NFIB: variants seen among roughly 807,000 people sequenced by gnomAD.
NFIB encodes the protein nuclear factor 1 B-type.
NFIB carries 11 observed loss-of-function variants against 61.5 expected under a neutral mutation model. The ratio of observed to expected loss-of-function variants is 0.18; its 90% CI spans 0.11 to 0.30. The LOEUF (loss-of-function observed/expected upper bound fraction) is 0.30, where lower values mean the gene tolerates loss of function less well. Ranked by LOEUF, NFIB falls within the 10% of genes least tolerant of loss-of-function variation. The probability of loss-of-function intolerance (pLI) is 1.00; values close to 1 mark genes in which losing one functional copy is unlikely to be tolerated. For synonymous variants in NFIB, 260 were observed against 216.5 expected (o/e 1.20, Z -1.76); for missense variants, 471 against 608.9 (o/e 0.77, Z 2.38).
rs141498901 is a variant in NFIB, at chr9:14,252,685, T to C, written c.562+54304A>G. On this transcript the variant is annotated intron_variant, in intron 2 of 10. Transcript: ENST00000380953. The stretch of plus-strand genomic sequence containing the variant: ...TTACTACTGGATACATCCTTATTAA[T>C]ATTACCTTGGGGAAACCTCTAAGCA... Among the ~76,000 whole-genome samples the C allele has an allele frequency of 1.7e-4, 26 of 152,300 alleles. No individual in the cohort carries two copies. The East Asian group carries it at 3.5e-3, about 20-fold the overall frequency.
At chr9:14,356,538 C>T (rs574550388) in intron 1 of NFIB, among the ~76,000 whole-genome samples, 3 of 151,912 alleles carry the variant, frequency 2.0e-5, no homozygotes, top group East Asian at 1.9e-4. Context: ...AGTGCAGCCC[C>T]GTGTAAAAAC....
intron 2 of NFIB, among the ~76,000 whole-genome samples, chr9:14,294,869 T>C (rs2059327104): frequency 6.6e-6 from 1 of 152,328 alleles, no homozygotes; most frequent in South Asian, 2.1e-4. Context: ...AGCTAATCTC[T>C]CCACTTTCCA....
At chr9:14,418,212 C>G in the NFIB span, among the ~76,000 whole-genome samples, 1 of 152,098 alleles carries the variant, frequency 6.6e-6, no homozygotes, top group Non-Finnish European at 1.5e-5. Flanking sequence ...GTCCCTGCAC[C>G]CCCACCCTCA....
At chr9:14,251,873 C>T (rs59710488) in intron 2 of NFIB, among the ~76,000 whole-genome samples, 17,870 of 152,212 alleles carry the variant, frequency 0.12, 1,536 homozygotes, top group East Asian at 0.26. Flanking sequence ...CAACAGAAAA[C>T]TGGTTTTGGC....
intron 3 of NFIB, among the ~76,000 whole-genome samples, chr9:14,175,029 T>A (rs1188128483): frequency 1.3e-5 from 2 of 152,080 alleles, no homozygotes; most frequent in African/African-American, 4.8e-5. Flanking sequence ...TACTGAAGAT[T>A]TTGAACTAGT....
At chr9:14,324,387 A>G (rs566684258) in intron 1 of NFIB, among the ~76,000 whole-genome samples, 2 of 152,348 alleles carry the variant, frequency 1.3e-5, no homozygotes, top group South Asian at 4.1e-4. Flanking sequence ...TATAGAAATA[A>G]GTAACATGTA....
At position 14,227,215 on chromosome 9, in the gene NFIB, C is replaced by T. The variant is rs570725125; in HGVS notation, c.563-47435G>A. Among the ~76,000 whole-genome samples, 6 of 150,860 alleles carry T rather than the reference C, an allele frequency of 4.0e-5. No homozygotes were observed. In the South Asian group the frequency reaches 1.3e-3, roughly 32 times the overall value. The stretch of plus-strand genomic sequence containing the variant: ...TATTCTAAACATGTGCAGAAAACTA[C>T]TACCAATTTTAAAAGCTAATTTATC... On this transcript the variant is annotated intron_variant, in intron 2 of 10. Coordinates refer to ENST00000380953, the MANE Select transcript of NFIB (RefSeq NM_001190737.2).
chr9:14,454,701 A>G, the NFIB span, among the ~76,000 whole-genome samples: 4 of 152,274 alleles, frequency 2.6e-5, no homozygotes, highest in South Asian at 6.2e-4. Flanking sequence ...TAATTGTTCT[A>G]TTTGTTAAAA....
chr9:14,244,976 T>A (rs1020679818), intron 2 of NFIB, among the ~76,000 whole-genome samples: 1 of 152,122 alleles, frequency 6.6e-6, no homozygotes, highest in African/African-American at 2.4e-5. Flanking sequence ...TCACTATCAT[T>A]CTCCTGTATT....
chr9:14,306,887 T>C (rs2060048006), intron 2 of NFIB, 102 bp downstream of exon 2: 3 of 1,419,556 alleles, frequency 2.1e-6, no homozygotes, highest in African/African-American at 1.4e-5. Context: ...GTGGAGGATA[T>C]CTAGGGGCCT....
At chr9:14,123,606 C>T (rs766680688) in intron 7 of NFIB, among the ~76,000 whole-genome samples, 7 of 152,200 alleles carry the variant, frequency 4.6e-5, no homozygotes, top group African/African-American at 9.7e-5. Context: ...TCTGGCCAGA[C>T]GAAGATATTT....
intron 10 of NFIB, among the ~76,000 whole-genome samples, chr9:14,095,004 A>T (rs2034557691): frequency 6.6e-6 from 1 of 152,130 alleles, no homozygotes; most frequent in African/African-American, 2.4e-5. Context: ...TCTAATAAAG[A>T]GCACAGGGCA....
intron 2 of NFIB, among the ~76,000 whole-genome samples, chr9:14,295,258 C>A (rs997741310): frequency 7.2e-5 from 11 of 152,184 alleles, no homozygotes; most frequent in African/African-American, 2.7e-4. Context: ...TTTGACTCAA[C>A]TAAGGGTCAT....
chr9:14,425,333 C>T, the NFIB span, among the ~76,000 whole-genome samples: 1 of 152,108 alleles, frequency 6.6e-6, no homozygotes, highest in South Asian at 2.1e-4. Context: ...GAAGCTGGTA[C>T]ACAAGGTCTG....
chr9:14,260,994 AG>A (rs34306598), intron 2 of NFIB, among the ~76,000 whole-genome samples: 134,173 of 152,174 alleles, frequency 0.88, 59,651 homozygotes, highest in South Asian at 0.97. Flanking sequence ...GGAAAGGAGG[AG>A]GGAAAAAAGT....
At chr9:14,144,175 C>T (rs1179156286) in intron 6 of NFIB, among the ~76,000 whole-genome samples, 1 of 152,010 alleles carries the variant, frequency 6.6e-6, no homozygotes, top group African/African-American at 2.4e-5. Context: ...AAAAGAATGA[C>T]AGTTTCCCTT....
rs1588282096 is a variant in NFIB, at chr9:14,313,215, C to T, written c.30+267G>A. Reference sequence around the variant, plus strand: ...CACGGGGCCTCGCACTTACAGGTCCCGGCCCTGCCCACCCCCCGGCGGCCT... The same window carrying T: ...CACGGGGCCTCGCACTTACAGGTCCTGGCCCTGCCCACCCCCCGGCGGCCT... On this transcript the variant is annotated intron_variant, in intron 1 of 10. Coordinates refer to ENST00000380953, the MANE Select transcript of NFIB (RefSeq NM_001190737.2). The surrounding 1 kb of genome is among the most constrained non-coding windows in gnomAD (Gnocchi z 4.5). Among the ~76,000 whole-genome samples the T allele has an allele frequency of 6.6e-6, 1 of 151,808 alleles. No individual in the cohort carries two copies. Among genetic ancestry groups the T allele is most frequent in the South Asian group, 2.1e-4 (1 of 4,824 alleles).
chr9:14,224,210 C>T (rs561162500), intron 2 of NFIB, among the ~76,000 whole-genome samples: 2 of 152,298 alleles, frequency 1.3e-5, no homozygotes, highest in South Asian at 2.1e-4. Context: ...ATAGGCTACA[C>T]AGAAAATTGT....
At chr9:14,342,632 A>G (rs1453255743) in intron 1 of NFIB, among the ~76,000 whole-genome samples, 2 of 152,180 alleles carry the variant, frequency 1.3e-5, no homozygotes, top group Non-Finnish European at 2.9e-5. Flanking sequence ...GAGAACCCCA[A>G]CTGTGAGGAA....
Sources: gnomAD v4.1 joint callset for allele counts (sites outside exome capture counted in the v4.1 genomes callset) on GRCh38, gnomAD v4.1.1 for gene constraint, Gnocchi (gnomAD v3.1) non-coding constraint, MANE v1.5 for transcripts, NCBI Gene and HGNC (gene_info 2026-07-23, HGNC 2026-07-21) for gene names.